Variants in MGMT observed in about 807,000 individuals in gnomAD.
The protein encoded by MGMT is O-6-methylguanine-DNA methyltransferase.
In MGMT, 14 loss-of-function variants were observed where a neutral mutation model predicts 15.9. The ratio of observed to expected loss-of-function variants is 0.88; its 90% CI spans 0.58 to 1.37. The LOEUF (loss-of-function observed/expected upper bound fraction) is 1.37, where lower values mean the gene tolerates loss of function less well. Among genes scored for constraint, MGMT ranks in the 40% most tolerant of loss-of-function variants. MGMT has a pLI of 0.00. For synonymous variants in MGMT, 130 were observed against 118.2 expected (o/e 1.10, Z -0.65); for missense variants, 282 against 268.1 (o/e 1.05, Z -0.36).
At chr10:129,547,278 G>T (rs561898532) in intron 2 of MGMT, among the ~76,000 whole-genome samples, 1 of 151,842 alleles carries the variant, frequency 6.6e-6, no homozygotes, top group African/African-American at 2.4e-5. Context: ...ACCTCTTCTC[G>T]TACAGGGTCA....
chr10:129,647,227 C>T (rs915437420), intron 2 of MGMT, among the ~76,000 whole-genome samples: 4 of 152,172 alleles, frequency 2.6e-5, no homozygotes, highest in Middle Eastern at 3.2e-3. Flanking sequence ...TCTGCTCACC[C>T]GCCCAGCGTT....
At chr10:129,555,275 A>T (rs2119797715) in intron 2 of MGMT, among the ~76,000 whole-genome samples, 1 of 152,284 alleles carries the variant, frequency 6.6e-6, no homozygotes, top group South Asian at 2.1e-4. Context: ...CCTGTCCAGC[A>T]CTTTGAGCCC....
At chr10:129,711,610 A>C (rs74160274) in intron 3 of MGMT, among the ~76,000 whole-genome samples, 5,032 of 152,316 alleles carry the variant, frequency 0.033, 277 homozygotes, top group African/African-American at 0.11. Flanking sequence ...ATTTCCTAAA[A>C]TAAAATTAGT....
chr10:129,740,964 G>A (rs1023617184), intron 3 of MGMT, among the ~76,000 whole-genome samples: 11 of 152,144 alleles, frequency 7.2e-5, no homozygotes, highest in Admixed American at 1.3e-4. Context: ...GCCCCTACCC[G>A]TTTCCCTAAC....
At chr10:129,497,319 T>A (rs145981072) in intron 1 of MGMT, among the ~76,000 whole-genome samples, 37 of 152,306 alleles carry the variant, frequency 2.4e-4, no homozygotes, top group Non-Finnish European at 4.1e-4. Context: ...CCCGGTCAGC[T>A]GGTCCGGCAC....
At chr10:129,613,553 G>A (rs1022814424) in intron 2 of MGMT, among the ~76,000 whole-genome samples, 11 of 152,136 alleles carry the variant, frequency 7.2e-5, no homozygotes, top group African/African-American at 2.7e-4. Context: ...GGTGTAGTTG[G>A]GCTGACCCTC....
At chr10:129,742,258 A>C (rs2133172709) in intron 3 of MGMT, among the ~76,000 whole-genome samples, 1 of 152,286 alleles carries the variant, frequency 6.6e-6, no homozygotes, top group South Asian at 2.1e-4. Flanking sequence ...TTTTCTTAAA[A>C]GTTATTGGGC....
intron 2 of MGMT, chr10:129,537,106 A>G (rs907127372): frequency 9.9e-5 from 15 of 151,942 alleles, no homozygotes; most frequent in African/African-American, 3.6e-4. Context: ...TCCTCCGTTC[A>G]TTCTATTAAA....
At chr10:129,743,111 TG>T (rs779232176) in intron 3 of MGMT, among the ~76,000 whole-genome samples, 1 of 152,172 alleles carries the variant, frequency 6.6e-6, no homozygotes, top group African/African-American at 2.4e-5. Context: ...GGTGGGCTGT[TG>T]GGTGGAGCGG....
intron 2 of MGMT, among the ~76,000 whole-genome samples, chr10:129,640,545 T>C (rs1847316490): frequency 1.3e-5 from 2 of 152,184 alleles, no homozygotes; most frequent in South Asian, 2.1e-4. Flanking sequence ...CTACAAAACA[T>C]TTATGGAAGA....
intron 2 of MGMT, among the ~76,000 whole-genome samples, chr10:129,558,023 G>A (rs1412912191): frequency 6.6e-6 from 1 of 152,140 alleles, no homozygotes; most frequent in Admixed American, 6.5e-5. Flanking sequence ...CTGGACAGCT[G>A]CGGGAAGAGG....
chr10:129,712,867 C>A (rs1443973507), intron 3 of MGMT, among the ~76,000 whole-genome samples: 1 of 152,192 alleles, frequency 6.6e-6, no homozygotes, highest in Non-Finnish European at 1.5e-5. Context: ...GAGCCCACCC[C>A]TGATGGGTGC....
At chr10:129,478,480 A>G (rs1845320165) in intron 1 of MGMT, among the ~76,000 whole-genome samples, 1 of 152,192 alleles carries the variant, frequency 6.6e-6, no homozygotes, top group African/African-American at 2.4e-5. Flanking sequence ...GTGGCTACTG[A>G]TGGGGGGACA....
intron 2 of MGMT, among the ~76,000 whole-genome samples, chr10:129,667,173 G>A (rs1190081865): frequency 2.0e-5 from 3 of 152,048 alleles, no homozygotes; most frequent in Non-Finnish European, 4.4e-5. Flanking sequence ...AAACCATGGC[G>A]GCCCCTCAGA....
Position 129,691,402 on chromosome 10 carries a change from G to A in MGMT, c.126-16493G>A, listed in dbSNP as rs1444264097. ...GGCGGAGAGCACAGCAGGCAGCTGG[G>A]CCCAGACGTCAGCCCCAGGCAGTGT... On this transcript the variant is annotated intron_variant, in intron 2 of 4. Coordinates refer to ENST00000651593, the MANE Select transcript of MGMT (RefSeq NM_002412.5). 2.0e-5 allele frequency among the ~76,000 whole-genome samples: 3 copies of A among 152,252 alleles called. No homozygotes were observed. The East Asian group carries it at 5.8e-4, about 29-fold the overall frequency.
intron 1 of MGMT, among the ~76,000 whole-genome samples, chr10:129,480,065 T>C (rs1012830332): frequency 6.6e-6 from 1 of 152,236 alleles, no homozygotes; most frequent in African/African-American, 2.4e-5. Context: ...GGAGGAATGT[T>C]ATCAGTTTCC....
At chr10:129,760,479 T>G (rs1411256587) in intron 4 of MGMT, among the ~76,000 whole-genome samples, 1 of 152,214 alleles carries the variant, frequency 6.6e-6, no homozygotes, top group East Asian at 1.9e-4. Flanking sequence ...CTAAATCAGA[T>G]AGACCTCACT....
chr10:129,574,694 C>T (rs1846459069), intron 2 of MGMT, among the ~76,000 whole-genome samples: 1 of 152,156 alleles, frequency 6.6e-6, no homozygotes, highest in Non-Finnish European at 1.5e-5. Flanking sequence ...GGGATTGCAC[C>T]ACTGACGGCT....
At chr10:129,729,265 T>C (rs1848469584) in intron 3 of MGMT, among the ~76,000 whole-genome samples, 1 of 152,200 alleles carries the variant, frequency 6.6e-6, no homozygotes, top group Non-Finnish European at 1.5e-5. Flanking sequence ...CTGTGTCTGA[T>C]GGTGTTACCC....
Sources: gnomAD v4.1 joint callset for allele counts (sites outside exome capture counted in the v4.1 genomes callset) on GRCh38, gnomAD v4.1.1 for gene constraint, MANE v1.5 for transcripts, NCBI Gene and HGNC (gene_info 2026-07-23, HGNC 2026-07-21) for gene names.